Variants in PCDH15 observed in about 807,000 individuals in gnomAD.
PCDH15 encodes protocadherin-15.
A neutral mutation model predicts 178.5 loss-of-function variants in PCDH15; 129 were observed. The observed-to-expected ratio is 0.72, with a 90% CI of 0.63 to 0.84. The LOEUF (loss-of-function observed/expected upper bound fraction) is 0.84, where lower values mean the gene tolerates loss of function less well. PCDH15 is among the 40% of genes least tolerant of loss of function. The pLI is 0.00. For synonymous variants in PCDH15, 800 were observed against 732.0 expected (o/e 1.09, Z -1.50); for missense variants, 2,230 against 2,099.9 (o/e 1.06, Z -1.21).
intron 21 of PCDH15, among the ~76,000 whole-genome samples, chr10:53,971,653 C>T (rs2089697758): frequency 6.6e-6 from 1 of 152,062 alleles, no homozygotes; most frequent in Admixed American, 6.6e-5. Flanking sequence ...AACAGACAAA[C>T]AGAGAGCTAA....
At chr10:54,987,494 A>C (rs1839401652) in intron 2 of PCDH15, among the ~76,000 whole-genome samples, 1 of 152,148 alleles carries the variant, frequency 6.6e-6, no homozygotes, top group Non-Finnish European at 1.5e-5. Flanking sequence ...GTGTAAAAGC[A>C]TTCCTATTTC....
intron 2 of PCDH15, among the ~76,000 whole-genome samples, chr10:55,111,495 T>C (rs117748732): frequency 0.019 from 2,895 of 152,240 alleles, 43 homozygotes; most frequent in Non-Finnish European, 0.024. Flanking sequence ...CTTTACTATT[T>C]TATGCTTAAC....
intron 3 of PCDH15, among the ~76,000 whole-genome samples, chr10:54,457,260 C>T (rs1237574318): frequency 6.6e-6 from 1 of 152,156 alleles, no homozygotes; most frequent in Non-Finnish European, 1.5e-5. Context: ...GAGCTATCAA[C>T]ATCAGCCCTC....
chr10:54,285,101 G>A (rs2058952450), intron 8 of PCDH15, among the ~76,000 whole-genome samples: 1 of 152,072 alleles, frequency 6.6e-6, no homozygotes, highest in African/African-American at 2.4e-5. Context: ...AATACTTACT[G>A]AGAACCTACT....
chr10:54,073,370 T>G (rs2094283380), intron 17 of PCDH15, among the ~76,000 whole-genome samples: 1 of 152,082 alleles, frequency 6.6e-6, no homozygotes, highest in Non-Finnish European at 1.5e-5. Context: ...CCATACGTAT[T>G]GTGTTCTAAA....
intron 3 of PCDH15, among the ~76,000 whole-genome samples, chr10:54,416,759 C>T (rs1487111710): frequency 6.6e-6 from 1 of 152,098 alleles, no homozygotes; most frequent in East Asian, 1.9e-4. Flanking sequence ...AAAAGTGTGC[C>T]TATTTCTCTA....
chr10:54,399,880 T>C (rs1951722984), intron 3 of PCDH15, among the ~76,000 whole-genome samples: 2 of 152,128 alleles, frequency 1.3e-5, no homozygotes, highest in East Asian at 3.9e-4. Flanking sequence ...GCCTACGTGG[T>C]TCACAATCTC....
intron 1 of PCDH15, among the ~76,000 whole-genome samples, chr10:54,727,273 A>T (rs1942696040): frequency 6.6e-6 from 1 of 151,646 alleles, no homozygotes; most frequent in African/African-American, 2.4e-5. Context: ...AGCACAATAA[A>T]AATAGAAATC....
At chr10:54,826,884 A>G (rs1953140667) in intron 3 of PCDH15, among the ~76,000 whole-genome samples, 1 of 152,118 alleles carries the variant, frequency 6.6e-6, no homozygotes. Context: ...TGTTCCTAAC[A>G]TACTTTTCTA....
In PCDH15 at chr10:54,329,729, C is replaced by G. The variant is rs1254402532; in HGVS notation, c.595-23G>C. On this transcript the variant is annotated intron_variant, in intron 6 of 37. Coordinates refer to ENST00000644397, the MANE Select transcript of PCDH15 (RefSeq NM_001384140.1). ...TGTCTGCAAATATTAAAGATACAGACTTCAGATTATTTGAATGTAAGATGA... is the reference window on the plus strand; with the variant it reads ...TGTCTGCAAATATTAAAGATACAGAGTTCAGATTATTTGAATGTAAGATGA... 3 of 1,400,708 alleles carry G rather than the reference C, an allele frequency of 2.1e-6. No individual in the cohort carries two copies. The Admixed American group carries it at 5.0e-5, about 24-fold the overall frequency. The allele number at this position is 1,400,708 out of a possible 1,614,324, so 86.8% of individuals were successfully genotyped here. A position where few individuals can be genotyped will look rare whatever the true frequency, so the allele number is the denominator to read the frequency against.
chr10:55,008,251 T>TG (rs1554822567), intron 2 of PCDH15, among the ~76,000 whole-genome samples: 1 of 108,550 alleles, frequency 9.2e-6, no homozygotes, highest in Non-Finnish European at 2.1e-5. Context: ...GATAAATCTT[T>TG]GAAAAAAAAA....
At chr10:54,761,441 G>A (rs1022322042) in intron 1 of PCDH15, among the ~76,000 whole-genome samples, 5 of 151,982 alleles carry the variant, frequency 3.3e-5, no homozygotes, top group Admixed American at 6.6e-5. Context: ...CAGAACTTGC[G>A]GGGGCCAAGA....
intron 3 of PCDH15, among the ~76,000 whole-genome samples, chr10:54,459,493 G>T (rs1254248756): frequency 6.6e-6 from 1 of 152,010 alleles, no homozygotes; most frequent in Non-Finnish European, 1.5e-5. Context: ...TATGGAGGAT[G>T]TTAAGTGAGG....
chr10:54,415,817 G>A (rs11004289), intron 3 of PCDH15, among the ~76,000 whole-genome samples: 63,095 of 151,920 alleles, frequency 0.42, 14,532 homozygotes, highest in Non-Finnish European at 0.52. Context: ...AATGGGAAAT[G>A]TTGTATGATC....
In PCDH15 at chr10:54,538,234, C is replaced by G. The variant is rs555536088; in HGVS notation, c.92-10357G>C. ...GTTTCCTAGGCTTCCTTTTAAGATT[C>G]TTACAGCTTGAGGTCTTACACTTAA... On this transcript the variant is annotated intron_variant, in intron 2 of 37. Transcript: ENST00000644397. 2.0e-5 allele frequency among the ~76,000 whole-genome samples: 3 copies of G among 152,206 alleles called. No individual in the cohort carries two copies. The South Asian group carries it at 6.2e-4, about 32-fold the overall frequency.
chr10:54,055,478 G>A (rs900771059), intron 18 of PCDH15, among the ~76,000 whole-genome samples: 2 of 152,182 alleles, frequency 1.3e-5, no homozygotes, highest in Non-Finnish European at 2.9e-5. Context: ...AGGCAGTATA[G>A]TTTCCAAGTG....
At chr10:55,236,766 C>G (rs1436773377) in intron 1 of PCDH15, among the ~76,000 whole-genome samples, 1 of 151,808 alleles carries the variant, frequency 6.6e-6, no homozygotes, top group African/African-American at 2.4e-5. Flanking sequence ...AAGTGTACAT[C>G]AACATTAAGA....
chr10:55,530,055 G>T (rs1841415573), intron 2 of PCDH15, among the ~76,000 whole-genome samples: 1 of 151,428 alleles, frequency 6.6e-6, no homozygotes, highest in African/African-American at 2.4e-5. Flanking sequence ...AATGAGCATT[G>T]TCTCATTACT....
chr10:53,975,638 C>A (rs1230385000), intron 21 of PCDH15, among the ~76,000 whole-genome samples: 1 of 151,624 alleles, frequency 6.6e-6, no homozygotes, highest in African/African-American at 2.4e-5. Flanking sequence ...TTTTGCTTGT[C>A]GAATTAGGTT....
Sources: gnomAD v4.1 joint callset for allele counts (sites outside exome capture counted in the v4.1 genomes callset) on GRCh38, gnomAD v4.1.1 for gene constraint, MANE v1.5 for transcripts, NCBI Gene and HGNC (gene_info 2026-07-23, HGNC 2026-07-21) for gene names.